Variants in DIAPH2 observed in about 807,000 individuals in gnomAD.
DIAPH2 encodes the protein protein diaphanous homolog 2.
A neutral mutation model predicts 92.7 loss-of-function variants in DIAPH2; 35 were observed. That is an observed-to-expected ratio of 0.38 (90% CI 0.29 to 0.50). The LOEUF (loss-of-function observed/expected upper bound fraction) is 0.50, where lower values mean the gene tolerates loss of function less well. Ranked by LOEUF, DIAPH2 falls within the 20% of genes least tolerant of loss-of-function variation. The pLI is 0.94. For synonymous variants in DIAPH2, 301 were observed against 280.4 expected, an observed-to-expected ratio of 1.07 and a Z score of -0.73; for missense variants, 701 against 819.5, an observed-to-expected ratio of 0.86 and a Z score of 1.77.
At chrX:96,797,381 T>C (rs1376072939) in intron 4 of DIAPH2, among the ~76,000 whole-genome samples, 1 of 111,917 alleles carries the variant, frequency 8.9e-6, no homozygotes, top group Non-Finnish European at 1.9e-5. Context: ...CTAGGGAGGC[T>C]GAGGCAGGAG....
chrX:96,889,704 T>C (rs2065294298), intron 5 of DIAPH2, among the ~76,000 whole-genome samples: 1 of 111,718 alleles, frequency 9.0e-6, no homozygotes. Context: ...TAATATGAGC[T>C]GAGGAGGAGA....
chrX:97,512,213 C>T (rs1327333458), intron 26 of DIAPH2, among the ~76,000 whole-genome samples: 1 of 113,486 alleles, frequency 8.8e-6, no homozygotes, highest in South Asian at 3.5e-4. Flanking sequence ...CTCAGAGATT[C>T]AACTTCTTCC....
intron 4 of DIAPH2, among the ~76,000 whole-genome samples, chrX:96,793,322 C>G (rs1488774377): frequency 1.8e-5 from 2 of 111,521 alleles, no homozygotes; most frequent in African/African-American, 6.5e-5. Flanking sequence ...GCATGCGCCA[C>G]CACACCTGGC....
chrX:97,445,362 C>CT (rs1287469401), intron 26 of DIAPH2, among the ~76,000 whole-genome samples: 1 of 111,204 alleles, frequency 9.0e-6, no homozygotes, highest in Non-Finnish European at 1.9e-5. Context: ...CTTTGTTCTC[C>CT]TGATTCAGAA....
intron 17 of DIAPH2, among the ~76,000 whole-genome samples, chrX:97,056,225 T>C (rs1180972308): frequency 1.8e-5 from 2 of 111,889 alleles, no homozygotes; most frequent in East Asian, 2.8e-4. Flanking sequence ...TTCTCTCTTA[T>C]TGTATTTGAC....
intron 23 of DIAPH2, among the ~76,000 whole-genome samples, chrX:97,271,367 C>T (rs1161953528): frequency 1.8e-5 from 2 of 112,156 alleles, no homozygotes; most frequent in African/African-American, 6.5e-5. Flanking sequence ...TTTTACTTTG[C>T]TGTTTGAATT....
At chrX:97,157,191 G>A (rs1440030135) in intron 22 of DIAPH2, among the ~76,000 whole-genome samples, 3 of 110,367 alleles carry the variant, frequency 2.7e-5, no homozygotes, top group Admixed American at 1.9e-4. Context: ...ACGCATGCCT[G>A]TAATCCCAGC....
chrX:96,758,156 G>A lies in DIAPH2; in HGVS notation c.345G>A (p.Glu115=). The change falls in exon 4 of 27, where the codon GAG becomes GAA. Residue 115 remains glutamate, a splice_region_variant and synonymous_variant. Coordinates refer to ENST00000324765, the MANE Select transcript of DIAPH2 (RefSeq NM_006729.5). ...EVLDLFEKMM[E]DMNLNEEKKA... ...ACAGTAAATGTTATCTCTTACAGGA[G>A]GACATGAACCTTAACGAAGAGAAAA... is the stretch of plus-strand genomic sequence containing the variant. 2 of 1,193,484 alleles carry A rather than the reference G, an allele frequency of 1.7e-6. No individual in the cohort carries two copies. Among genetic ancestry groups the A allele is most frequent in the Non-Finnish European group, 2.3e-6 (2 of 887,886 alleles).
At chrX:96,953,317 C>A (rs1191192160) in intron 15 of DIAPH2, among the ~76,000 whole-genome samples, 1 of 111,554 alleles carries the variant, frequency 9.0e-6, no homozygotes, top group African/African-American at 3.3e-5. Context: ...CAAACTACTA[C>A]AATTACTGAT....
At chrX:96,806,077 A>G (rs1004441454) in intron 4 of DIAPH2, among the ~76,000 whole-genome samples, 2 of 112,072 alleles carry the variant, frequency 1.8e-5, no homozygotes, top group Admixed American at 9.4e-5. Context: ...AGAAATTTGA[A>G]TAGCGAGCTC....
At chrX:96,916,415 AG>A in intron 7 of DIAPH2, 22 bp from the exon 8 acceptor site, 1 of 793,684 alleles carries the variant, frequency 1.3e-6, no homozygotes, top group South Asian at 2.8e-5. Context: ...TTCTGAATGA[AG>A]GTTTTTTTTT....
At chrX:96,854,738 A>G (rs2065029416) in intron 4 of DIAPH2, among the ~76,000 whole-genome samples, 1 of 103,501 alleles carries the variant, frequency 9.7e-6, no homozygotes, top group Admixed American at 1.1e-4. Context: ...TATGCCAGGT[A>G]AAAGAGTGTG....
At chrX:97,088,378 C>T (rs958016444) in intron 19 of DIAPH2, among the ~76,000 whole-genome samples, 1 of 112,265 alleles carries the variant, frequency 8.9e-6, no homozygotes, top group Non-Finnish European at 1.9e-5. Flanking sequence ...TATTCTTAAT[C>T]TTTTGAAGTG....
chrX:97,537,592 A>G lies in DIAPH2; in HGVS notation c.3242-61661A>G, dbSNP rs1029069486. Among the ~76,000 whole-genome samples, 6 of 111,508 alleles carry G rather than the reference A, an allele frequency of 5.4e-5. No homozygotes were observed. In the Admixed American group the frequency reaches 5.7e-4, roughly 11 times the overall value. On this transcript the variant is annotated intron_variant, in intron 26 of 26. Transcript: ENST00000324765. Reference sequence around the variant, plus strand: ...CTTCTAACAATAGAAGGAGAAATTGATGGGATGTCCCCTCTGAGATTAGGT... The same window carrying G: ...CTTCTAACAATAGAAGGAGAAATTGGTGGGATGTCCCCTCTGAGATTAGGT...
At chrX:96,792,200 T>C (rs943070700) in intron 4 of DIAPH2, among the ~76,000 whole-genome samples, 1 of 112,242 alleles carries the variant, frequency 8.9e-6, no homozygotes, top group Non-Finnish European at 1.9e-5. Context: ...TTTTATGATA[T>C]TTACAGATCT....
At chrX:96,748,034 C>T (rs1047703401) in intron 3 of DIAPH2, among the ~76,000 whole-genome samples, 9 of 111,652 alleles carry the variant, frequency 8.1e-5, no homozygotes, top group African/African-American at 2.3e-4. Flanking sequence ...ACTCCTATGA[C>T]GAGCTTATAA....
intron 23 of DIAPH2, among the ~76,000 whole-genome samples, chrX:97,264,052 G>T (rs1004920751): frequency 1.3e-4 from 14 of 108,332 alleles, no homozygotes; most frequent in Non-Finnish European, 2.3e-4. Context: ...CTCCTGAATA[G>T]CTGGGACTAC....
At chrX:97,334,635 TTC>T (rs1311663465) in intron 23 of DIAPH2, among the ~76,000 whole-genome samples, 1 of 107,721 alleles carries the variant, frequency 9.3e-6, no homozygotes, top group Non-Finnish European at 1.9e-5. Flanking sequence ...AGTCAGGCCT[TTC>T]TATGTGAAAT....
At chrX:97,589,248 C>T (rs1283431059) in intron 26 of DIAPH2, among the ~76,000 whole-genome samples, 1 of 90,094 alleles carries the variant, frequency 1.1e-5, no homozygotes, top group African/African-American at 4.1e-5. Flanking sequence ...ACCCAGGAGA[C>T]GGTGGTTGCA....
Sources: allele counts gnomAD v4.1 joint callset (sites outside exome capture counted in the v4.1 genomes callset), GRCh38; gene constraint gnomAD v4.1.1; transcripts MANE v1.5; gene names NCBI Gene and HGNC (gene_info 2026-07-23, HGNC 2026-07-21).